The following AMZ2 variants were observed in gnomAD, a reference collection of about 807,000 sequenced individuals.
AMZ2 encodes the protein archaemetzincin-2.
AMZ2 carries 26 observed loss-of-function variants against 36.7 expected under a neutral mutation model. The ratio of observed to expected loss-of-function variants is 0.71; its 90% CI spans 0.52 to 0.98. The LOEUF is 0.98. AMZ2 is among the 50% of genes least tolerant of loss of function. AMZ2 has a pLI of 0.00. For synonymous variants in AMZ2, 144 were observed against 149.1 expected (o/e 0.97, Z 0.25); for missense variants, 394 against 430.5 (o/e 0.92, Z 0.75).
chr17:68,222,405 C>A (rs1450510228), intron 1 of AMZ2, among the ~76,000 whole-genome samples: 1 of 152,216 alleles, frequency 6.6e-6, no homozygotes, highest in Non-Finnish European at 1.5e-5. Flanking sequence ...TGGTCCCCAA[C>A]CTTTTTGGCA....
chr17:68,247,815 C>T (rs1338720287), upstream of AMZ2: 2 of 985,440 alleles, frequency 2.0e-6, no homozygotes, highest in Non-Finnish European at 2.4e-6. Context: ...GAGGAATCGG[C>T]GACTGCGGGG....
chr17:68,254,037 G>A (rs556977181), intron 4 of AMZ2, among the ~76,000 whole-genome samples: 4 of 152,068 alleles, frequency 2.6e-5, no homozygotes, highest in South Asian at 2.1e-4. Context: ...GAGCCACCAC[G>A]CCCAACCCAT....
Position 68,255,874 on chromosome 17 carries a change from A to C in AMZ2, c.925A>C (p.Lys309Gln). The change falls in exon 6 of 7, where the codon AAA becomes CAA. Residue 309 changes from lysine to glutamine, a missense_variant and splice_region_variant. Transcript: ENST00000359904. Reference protein sequence around the residue: ...AVGFSIVERYKALVRWIDDES... With the variant: ...AVGFSIVERYQALVRWIDDES... ...TGGCTTCAGCATTGTAGAAAGATAC[A>C]AAGTAAGTTGGGGGGTGGACAGTCT... 1 of 1,613,658 alleles carries C rather than the reference A, an allele frequency of 6.2e-7. No homozygotes were observed. The highest frequency in any genetic ancestry group is 8.5e-7 in the Non-Finnish European group (1 of 1,179,860).
At chr17:68,214,912 T>G (rs1176158078) in intron 1 of AMZ2, among the ~76,000 whole-genome samples, 5 of 143,612 alleles carry the variant, frequency 3.5e-5, no homozygotes, top group Non-Finnish European at 7.9e-5. Flanking sequence ...GTCCCGCAAA[T>G]AGCTGGGACT....
intron 1 of AMZ2, among the ~76,000 whole-genome samples, chr17:68,215,059 T>C (rs1375903684): frequency 6.6e-6 from 1 of 152,202 alleles, no homozygotes; most frequent in African/African-American, 2.4e-5. Flanking sequence ...GCTGGGATTA[T>C]AGGCGTGAGC....
chr17:68,207,215 T>C (rs1247738759), intron 1 of AMZ2: 5 of 151,832 alleles, frequency 3.3e-5, no homozygotes, highest in Non-Finnish European at 7.4e-5. Flanking sequence ...GGAAAAAGCC[T>C]TCCCGAAATC....
upstream of AMZ2, among the ~76,000 whole-genome samples, chr17:68,243,891 C>A (rs2073952477): frequency 6.6e-6 from 1 of 152,092 alleles, no homozygotes; most frequent in African/African-American, 2.4e-5. Context: ...CAGTGAAGGG[C>A]AGAATTGGGA....
chr17:68,229,901 G>C (rs1222888819), intron 1 of AMZ2, among the ~76,000 whole-genome samples: 1 of 152,108 alleles, frequency 6.6e-6, no homozygotes, highest in Non-Finnish European at 1.5e-5. Context: ...AGTCTCAGGG[G>C]CCTCTCACTC....
intron 2 of AMZ2, 99 bp downstream of exon 2, chr17:68,250,569 G>C (rs2074379924): frequency 6.9e-7 from 1 of 1,455,824 alleles, no homozygotes; most frequent in Non-Finnish European, 9.2e-7. Context: ...GGCCGTTTTA[G>C]GATCGTTTTT....
intron 1 of AMZ2, among the ~76,000 whole-genome samples, chr17:68,210,104 G>A (rs1221177338): frequency 1.3e-5 from 2 of 152,176 alleles, no homozygotes; most frequent in Admixed American, 1.3e-4. Flanking sequence ...GTAAAACCAT[G>A]TAACACTGGA....
chr17:68,224,391 T>C (rs2073456681), intron 1 of AMZ2, among the ~76,000 whole-genome samples: 1 of 152,218 alleles, frequency 6.6e-6, no homozygotes, highest in Non-Finnish European at 1.5e-5. Context: ...GGCTTCTGTG[T>C]TTACTGAGCT....
At chr17:68,214,131 T>G (rs2073136658) in intron 1 of AMZ2, among the ~76,000 whole-genome samples, 2 of 151,988 alleles carry the variant, frequency 1.3e-5, no homozygotes, top group South Asian at 4.2e-4. Context: ...GTTTATTAAT[T>G]CTTAATTTTC....
At chr17:68,239,234 C>G (rs1311093521) in intron 1 of AMZ2, among the ~76,000 whole-genome samples, 3 of 152,108 alleles carry the variant, frequency 2.0e-5, no homozygotes, top group African/African-American at 7.2e-5. Context: ...TTTCCCAACT[C>G]CCTTTTGGCA....
intron 1 of AMZ2, among the ~76,000 whole-genome samples, chr17:68,227,259 C>T (rs142316801): frequency 6.6e-6 from 1 of 152,136 alleles, no homozygotes; most frequent in Non-Finnish European, 1.5e-5. Flanking sequence ...TTTTCCTCCT[C>T]TGGGAAGTGG....
intron 1 of AMZ2, among the ~76,000 whole-genome samples, chr17:68,231,275 G>T (rs73343451): frequency 0.06 from 9,065 of 151,850 alleles, 484 homozygotes; most frequent in Admixed American, 0.13. Context: ...TCTCCCATAT[G>T]GTCCAGGTTG....
chr17:68,225,609 G>A (rs2073494409), intron 1 of AMZ2, among the ~76,000 whole-genome samples: 1 of 152,006 alleles, frequency 6.6e-6, no homozygotes, highest in South Asian at 2.1e-4. Flanking sequence ...TTCCTCAATG[G>A]TGAGAATTTT....
In AMZ2 at chr17:68,254,573, T is replaced by G. The variant is rs2074751162; in HGVS notation, c.750+6T>G. ...TACTACTTCGATCCTGTAAGGTAAGTTATTACAAAAATCTGACAGGACAGT... is the reference window on the plus strand; with the variant it reads ...TACTACTTCGATCCTGTAAGGTAAGGTATTACAAAAATCTGACAGGACAGT... On this transcript the variant is annotated splice_donor_region_variant and intron_variant, in intron 5 of 6. Transcript: ENST00000359904. The G allele has an allele frequency of 6.2e-7, 1 of 1,604,922 alleles. No homozygotes were observed. Among genetic ancestry groups the G allele is most frequent in the East Asian group, 2.2e-5 (1 of 44,800 alleles).
chr17:68,218,784 G>A (rs1555727883), intron 1 of AMZ2, among the ~76,000 whole-genome samples: 1 of 152,088 alleles, frequency 6.6e-6, no homozygotes, highest in East Asian at 1.9e-4. Context: ...CTTAGTAAAT[G>A]GGATTACTGT....
chr17:68,219,244 T>G (rs764705965), intron 1 of AMZ2, among the ~76,000 whole-genome samples: 72 of 152,250 alleles, frequency 4.7e-4, no homozygotes, highest in Middle Eastern at 3.4e-3. Context: ...AGATGACAGG[T>G]GTGAGCCACC....
Sources: allele counts gnomAD v4.1 joint callset (sites outside exome capture counted in the v4.1 genomes callset), GRCh38; gene constraint gnomAD v4.1.1; transcripts MANE v1.5; gene names NCBI Gene and HGNC (gene_info 2026-07-23, HGNC 2026-07-21).